GRID2: variants seen among roughly 807,000 people sequenced by gnomAD.
The protein encoded by GRID2 is glutamate ionotropic receptor delta type subunit 2, also known as glutamate receptor ionotropic, delta-2.
A neutral mutation model predicts 114.8 loss-of-function variants in GRID2; 33 were observed. That is an observed-to-expected ratio of 0.29 (90% CI 0.22 to 0.38). GRID2 has a LOEUF of 0.38. GRID2 is among the 10% of genes least tolerant of loss of function. The pLI is 1.00. For missense variants in GRID2, 1,184 were observed against 1,257.7 expected (o/e 0.94, Z 0.89); for synonymous variants, 505 against 449.9 (o/e 1.12, Z -1.55).
intron 10 of GRID2, among the ~76,000 whole-genome samples, chr4:93,440,948 C>CCA (rs1450319852): frequency 6.6e-6 from 1 of 151,884 alleles, no homozygotes; most frequent in Non-Finnish European, 1.5e-5. Flanking sequence ...TGAACATTTG[C>CCA]CAAAGGGAAT....
chr4:92,942,420 T>C (rs1474448696), intron 2 of GRID2, among the ~76,000 whole-genome samples: 2 of 152,222 alleles, frequency 1.3e-5, no homozygotes, highest in African/African-American at 4.8e-5. Flanking sequence ...TCCATTTGCT[T>C]GGCAGATCTT....
intron 2 of GRID2, among the ~76,000 whole-genome samples, chr4:92,936,033 A>G (rs991107118): frequency 4.8e-5 from 7 of 146,722 alleles, no homozygotes; most frequent in African/African-American, 1.7e-4. Context: ...CTTAAAGTAT[A>G]ATAATAATAA....
At chr4:93,213,071 C>A (rs1283009234) in intron 5 of GRID2, among the ~76,000 whole-genome samples, 1 of 152,050 alleles carries the variant, frequency 6.6e-6, no homozygotes, top group Non-Finnish European at 1.5e-5. Context: ...CCGTGCCTGG[C>A]CAGTTTGGGG....
At chr4:93,323,844 T>G (rs2149214324) in intron 8 of GRID2, among the ~76,000 whole-genome samples, 1 of 152,318 alleles carries the variant, frequency 6.6e-6, no homozygotes, top group South Asian at 2.1e-4. Flanking sequence ...TTTGGCTCTC[T>G]GTTTGTCTGT....
intron 2 of GRID2, among the ~76,000 whole-genome samples, chr4:92,717,612 AGTAAT>A (rs1735612841): frequency 1.3e-5 from 2 of 152,226 alleles, no homozygotes; most frequent in Admixed American, 6.5e-5. Flanking sequence ...ACATTTTTTG[AGTAAT>A]GTAATAAATG....
intron 1 of GRID2, among the ~76,000 whole-genome samples, chr4:92,535,613 C>G (rs145980830): frequency 1.3e-5 from 2 of 152,176 alleles, no homozygotes; most frequent in Non-Finnish European, 1.5e-5. Context: ...TACCAAGAGA[C>G]AAGCTAAAAA....
At chr4:92,447,477 G>C (rs1733528319) in intron 1 of GRID2, among the ~76,000 whole-genome samples, 1 of 152,124 alleles carries the variant, frequency 6.6e-6, no homozygotes, top group Admixed American at 6.5e-5. Flanking sequence ...CCCAAACCAA[G>C]TAGTAGTTGC....
chr4:93,130,384 T>G (rs1734688101), intron 4 of GRID2, among the ~76,000 whole-genome samples: 2 of 152,122 alleles, frequency 1.3e-5, no homozygotes, highest in Non-Finnish European at 2.9e-5. Flanking sequence ...AAGGCTGCAG[T>G]GAGCCATGTT....
intron 14 of GRID2, among the ~76,000 whole-genome samples, chr4:93,675,304 GT>G (rs376687799): frequency 0.031 from 4,666 of 151,896 alleles, 109 homozygotes; most frequent in African/African-American, 0.062. Flanking sequence ...TTATCTAACA[GT>G]TTTTTTTAAT....
intron 1 of GRID2, among the ~76,000 whole-genome samples, chr4:92,338,327 A>G (rs571051882): frequency 1.3e-5 from 2 of 152,332 alleles, no homozygotes; most frequent in East Asian, 3.9e-4. Context: ...TTTATAGAAT[A>G]TACATTGTGA....
At chr4:93,087,484 G>A (rs1353991751) in intron 3 of GRID2, among the ~76,000 whole-genome samples, 1 of 151,854 alleles carries the variant, frequency 6.6e-6, no homozygotes, top group Non-Finnish European at 1.5e-5. Context: ...TTTTATTACG[G>A]GTGAGATAAC....
rs1733712987 is a variant in GRID2 at position 92,682,793 on chromosome 4, G to A, written c.244+92507G>A. ...TGGAATGAAAACTTGGAAGGCACCT[G>A]GGTTATTGAGGACATCCTTATGTCA... is the stretch of plus-strand genomic sequence containing the variant. On this transcript the variant is annotated intron_variant, in intron 2 of 15. Coordinates refer to ENST00000282020, the MANE Select transcript of GRID2 (RefSeq NM_001510.4). 2.6e-5 allele frequency among the ~76,000 whole-genome samples: 4 copies of A among 151,872 alleles called. No individual in the cohort carries two copies. In the South Asian group the frequency reaches 8.3e-4, roughly 32 times the overall value.
rs190774069 is a variant in GRID2, at chr4:93,409,340, T to C, written c.1348-13431T>C. Among the ~76,000 whole-genome samples, 7 of 152,248 alleles carry C rather than the reference T, an allele frequency of 4.6e-5. No individual in the cohort carries two copies. In the East Asian group the frequency reaches 1.4e-3, roughly 29 times the overall value. On this transcript the variant is annotated intron_variant, in intron 9 of 15. Coordinates refer to ENST00000282020, the MANE Select transcript of GRID2 (RefSeq NM_001510.4). The stretch of plus-strand genomic sequence containing the variant: ...ATCAATGTGTAGTTGATCTCCTTCC[T>C]GGGATTAGCAGAAAGCTCTTGGAGG...
At chr4:92,443,704 G>A (rs1220869427) in intron 1 of GRID2, among the ~76,000 whole-genome samples, 1 of 152,056 alleles carries the variant, frequency 6.6e-6, no homozygotes, top group African/African-American at 2.4e-5. Flanking sequence ...AAGGGGTAGA[G>A]ACAAGGAGAG....
At chr4:92,758,247 T>C (rs1737826413) in intron 2 of GRID2, among the ~76,000 whole-genome samples, 1 of 152,070 alleles carries the variant, frequency 6.6e-6, no homozygotes, top group Admixed American at 6.5e-5. Context: ...ATTGGAGGTT[T>C]GAGGACCAAA....
intron 1 of GRID2, among the ~76,000 whole-genome samples, chr4:92,431,662 GT>G (rs1389534317): frequency 1.3e-5 from 2 of 150,526 alleles, no homozygotes; most frequent in Non-Finnish European, 3.0e-5. Context: ...CCGTCTCTAT[GT>G]TATCTTGAAT....
At chr4:92,544,667 T>A (rs1019884701) in intron 1 of GRID2, among the ~76,000 whole-genome samples, 1 of 152,120 alleles carries the variant, frequency 6.6e-6, no homozygotes, top group Non-Finnish European at 1.5e-5. Flanking sequence ...CCTGATGAGG[T>A]AAAGTGACCT....
chr4:93,713,031 C>T (rs930668284), intron 14 of GRID2, among the ~76,000 whole-genome samples: 2 of 151,960 alleles, frequency 1.3e-5, no homozygotes, highest in Non-Finnish European at 2.9e-5. Flanking sequence ...GAGCCATTTT[C>T]CTGAATATAA....
chr4:93,607,707 T>C (rs903272009), intron 13 of GRID2, among the ~76,000 whole-genome samples: 38 of 152,274 alleles, frequency 2.5e-4, no homozygotes, highest in Admixed American at 1.8e-3. Flanking sequence ...ATATTAAGTA[T>C]TGCCAGACAT....
Sources: allele counts gnomAD v4.1 joint callset (sites outside exome capture counted in the v4.1 genomes callset), GRCh38; gene constraint gnomAD v4.1.1; transcripts MANE v1.5; gene names NCBI Gene and HGNC (gene_info 2026-07-23, HGNC 2026-07-21).